The following SRPK2 variants were observed in gnomAD, a reference collection of about 807,000 sequenced individuals.
The protein encoded by SRPK2 is SRSF protein kinase 2.
Under a neutral mutation model 90.8 loss-of-function variants are expected in SRPK2, and 21 were observed. That is an observed-to-expected ratio of 0.23 (90% CI 0.16 to 0.33). The LOEUF is 0.33. Among genes scored for constraint, SRPK2 ranks in the 10% least tolerant of loss-of-function variants. SRPK2 has a pLI of 1.00. For synonymous variants in SRPK2, 288 were observed against 311.1 expected (o/e 0.93, Z 0.78); for missense variants, 620 against 869.0 (o/e 0.71, Z 3.60).
intron 3 of SRPK2, among the ~76,000 whole-genome samples, chr7:105,182,106 C>CTA (rs1478631943): frequency 6.6e-6 from 1 of 151,388 alleles, no homozygotes; most frequent in African/African-American, 2.4e-5. Flanking sequence ...TGGCAGGCAC[C>CTA]TGTAATCCCA....
intron 3 of SRPK2, among the ~76,000 whole-genome samples, chr7:105,200,510 G>A (rs530305366): frequency 1.4e-4 from 21 of 152,066 alleles, no homozygotes; most frequent in African/African-American, 4.6e-4. Context: ...CCGGGGTGGC[G>A]GCGGGGGTAG....
intron 2 of SRPK2, among the ~76,000 whole-genome samples, chr7:105,387,602 C>A (rs1300076249): frequency 6.6e-6 from 1 of 150,826 alleles, no homozygotes; most frequent in Non-Finnish European, 1.5e-5. Context: ...AAAAAGTGAG[C>A]GTGCTGCGAC....
chr7:105,177,481 A>G (rs1792124034), intron 3 of SRPK2, among the ~76,000 whole-genome samples: 1 of 152,208 alleles, frequency 6.6e-6, no homozygotes, highest in South Asian at 2.1e-4. Flanking sequence ...ACAAGATAAA[A>G]CAAATAGGTA....
intron 2 of SRPK2, among the ~76,000 whole-genome samples, chr7:105,358,239 A>AC (rs1482705499): frequency 4.6e-5 from 7 of 150,756 alleles, no homozygotes; most frequent in Admixed American, 2.0e-4. Flanking sequence ...AAAAAAAAAA[A>AC]AAAAAACACC....
chr7:105,170,928 G>GGAGAAAGA (rs1402133339), intron 3 of SRPK2, among the ~76,000 whole-genome samples: 1 of 53,100 alleles, frequency 1.9e-5, no homozygotes, highest in Admixed American at 2.6e-4. Context: ...GAAAGAAAAA[G>GGAGAAAGA]AAAAAGGAAA....
intron 6 of SRPK2, among the ~76,000 whole-genome samples, chr7:105,164,857 T>C (rs1263429931): frequency 6.6e-6 from 1 of 152,082 alleles, no homozygotes; most frequent in African/African-American, 2.4e-5. Context: ...GGTGGATCTG[T>C]TCCAAACATG....
At chr7:105,138,066 C>G (rs1417686481) in intron 11 of SRPK2, among the ~76,000 whole-genome samples, 1 of 152,142 alleles carries the variant, frequency 6.6e-6, no homozygotes, top group African/African-American at 2.4e-5. Flanking sequence ...TCAAGACCTC[C>G]AGTTTCTACC....
chr7:105,325,590 G>A (rs1813482922), intron 2 of SRPK2, among the ~76,000 whole-genome samples: 1 of 147,128 alleles, frequency 6.8e-6, no homozygotes, highest in African/African-American at 2.5e-5. Context: ...GGATACAGTG[G>A]CTCACACCTG....
intron 2 of SRPK2, among the ~76,000 whole-genome samples, chr7:105,212,426 T>C (rs1467037082): frequency 6.6e-6 from 1 of 152,124 alleles, no homozygotes; most frequent in Non-Finnish European, 1.5e-5. Context: ...CTAGAGGTGA[T>C]CTTACAGACT....
intron 2 of SRPK2, among the ~76,000 whole-genome samples, 198 bp downstream of exon 2, chr7:105,388,450 G>T (rs924064387): frequency 1.4e-5 from 2 of 147,310 alleles, no homozygotes; most frequent in African/African-American, 4.9e-5. Context: ...CTAGGGAACC[G>T]GCCGCGGCCC....
intron 2 of SRPK2, among the ~76,000 whole-genome samples, chr7:105,257,156 T>G (rs1477182025): frequency 6.6e-6 from 1 of 152,190 alleles, no homozygotes; most frequent in Non-Finnish European, 1.5e-5. Flanking sequence ...TCCAAATCAC[T>G]AAGTGGCTAG....
intron 2 of SRPK2, among the ~76,000 whole-genome samples, chr7:105,378,384 G>A (rs927736770): frequency 5.3e-5 from 8 of 151,990 alleles, no homozygotes; most frequent in African/African-American, 1.4e-4. Flanking sequence ...AAAAACTTAC[G>A]ACACAATATT....
At position 105,128,607 on chromosome 7, in the gene SRPK2, G is replaced by A. The variant is rs908891555; in HGVS notation, c.1753-1545C>T. Among the ~76,000 whole-genome samples the A allele has an allele frequency of 3.9e-5, 6 of 152,286 alleles. No homozygotes were observed. In the South Asian group the frequency reaches 8.3e-4, roughly 21 times the overall value. On this transcript the variant is annotated intron_variant, in intron 13 of 15. Transcript: ENST00000393651. The stretch of plus-strand genomic sequence containing the variant: ...AATCTGAAAACTCTAATGGGACAAC[G>A]AGGACTTGAAAAGCCTGGATCAAGT...
intron 2 of SRPK2, among the ~76,000 whole-genome samples, chr7:105,310,685 A>C (rs1811608128): frequency 6.6e-6 from 1 of 152,164 alleles, no homozygotes; most frequent in South Asian, 2.1e-4. Flanking sequence ...AAAGTCACAT[A>C]CAAAGAAGAA....
At chr7:105,346,614 C>T (rs948932665) in intron 2 of SRPK2, among the ~76,000 whole-genome samples, 1 of 151,966 alleles carries the variant, frequency 6.6e-6, no homozygotes, top group Non-Finnish European at 1.5e-5. Context: ...ATTAGCCAGG[C>T]ATGGTGGTGT....
chr7:105,330,715 C>A (rs968046983), intron 2 of SRPK2, among the ~76,000 whole-genome samples: 2 of 152,158 alleles, frequency 1.3e-5, no homozygotes, highest in Non-Finnish European at 2.9e-5. Context: ...TGCAGTGGCT[C>A]CTGCCTGTAA....
At chr7:105,343,529 C>G (rs1234935729) in intron 2 of SRPK2, among the ~76,000 whole-genome samples, 1 of 152,210 alleles carries the variant, frequency 6.6e-6, no homozygotes, top group Non-Finnish European at 1.5e-5. Context: ...GCCAGGAAAT[C>G]TGCAGACATC....
chr7:105,263,796 T>C lies in SRPK2; in HGVS notation c.72-60011A>G, dbSNP rs193050619. On this transcript the variant is annotated intron_variant, in intron 2 of 15. Transcript: ENST00000393651. The stretch of plus-strand genomic sequence containing the variant: ...TGAAAAAAAATTTCAATAAACTGTA[T>C]TTCATAAAGATCTATGATCTGGGTA... Among the ~76,000 whole-genome samples, 186 of 152,240 alleles carry C rather than the reference T, an allele frequency of 1.2e-3. 1 individual carries two copies. The highest frequency in any genetic ancestry group is 4.3e-3 in the African/African-American group (177 of 41,538).
chr7:105,142,797 T>C (rs1803984579), intron 10 of SRPK2, among the ~76,000 whole-genome samples: 1 of 152,188 alleles, frequency 6.6e-6, no homozygotes, highest in African/African-American at 2.4e-5. Context: ...TACAGTTAGG[T>C]AAAAAGTTAA....
Sources: gnomAD v4.1 joint callset for allele counts (sites outside exome capture counted in the v4.1 genomes callset) on GRCh38, gnomAD v4.1.1 for gene constraint, MANE v1.5 for transcripts, NCBI Gene and HGNC (gene_info 2026-07-23, HGNC 2026-07-21) for gene names.